Variants in IL1RAPL2 observed in about 807,000 individuals in gnomAD.
The protein encoded by IL1RAPL2 is interleukin 1 receptor accessory protein like 2.
Under a neutral mutation model 44.1 loss-of-function variants are expected in IL1RAPL2, and 3 were observed. The ratio of observed to expected loss-of-function variants is 0.07; its 90% CI spans 0.03 to 0.18. IL1RAPL2 has a LOEUF of 0.18. IL1RAPL2 is among the 10% of genes least tolerant of loss of function. IL1RAPL2 has a pLI of 1.00. For missense variants in IL1RAPL2, 391 were observed against 496.4 expected (o/e 0.79, Z 2.02); for synonymous variants, 181 against 178.8 (o/e 1.01, Z -0.10).
chrX:104,599,650 GCACACACACACACACACACA>G (rs35769134), intron 1 of IL1RAPL2, among the ~76,000 whole-genome samples: 5 of 86,169 alleles, frequency 5.8e-5, no homozygotes, highest in South Asian at 6.7e-4. Context: ...GATGGATTTA[GCACACACACACACACACACA>G]CACACACACA....
intron 6 of IL1RAPL2, among the ~76,000 whole-genome samples, chrX:105,640,358 GCC>G (rs2037555321): frequency 9.2e-6 from 1 of 109,031 alleles, no homozygotes; most frequent in South Asian, 4.0e-4. Context: ...CTCTGTATGA[GCC>G]ATGACAAAAA....
chrX:105,713,385 C>A (rs763074280), intron 6 of IL1RAPL2, among the ~76,000 whole-genome samples: 1 of 111,535 alleles, frequency 9.0e-6, no homozygotes, highest in South Asian at 3.8e-4. Flanking sequence ...AAGCTCAATT[C>A]TTGTGTTCTG....
intron 6 of IL1RAPL2, among the ~76,000 whole-genome samples, chrX:105,702,792 G>T (rs1213394249): frequency 8.1e-5 from 9 of 111,563 alleles, no homozygotes; most frequent in African/African-American, 2.9e-4. Context: ...TAATATATAA[G>T]ATTTTCAAAA....
At chrX:104,700,799 C>T (rs1187272322) in intron 2 of IL1RAPL2, among the ~76,000 whole-genome samples, 12 of 111,416 alleles carry the variant, frequency 1.1e-4, no homozygotes. Flanking sequence ...TACTATAATA[C>T]CATAGTCATA....
intron 2 of IL1RAPL2, among the ~76,000 whole-genome samples, chrX:104,676,754 G>T (rs1200067197): frequency 1.8e-5 from 2 of 111,230 alleles, no homozygotes; most frequent in Non-Finnish European, 3.8e-5. Flanking sequence ...ACGTAGATTT[G>T]GTCTTTTCAC....
chrX:105,060,884 G>C (rs1253304629), intron 2 of IL1RAPL2, among the ~76,000 whole-genome samples: 1 of 110,335 alleles, frequency 9.1e-6, no homozygotes, highest in Non-Finnish European at 1.9e-5. Context: ...TGCAGTATCA[G>C]TTGTAATGTC....
chrX:105,314,704 A>G (rs2034823799), intron 5 of IL1RAPL2, among the ~76,000 whole-genome samples: 1 of 111,960 alleles, frequency 8.9e-6, no homozygotes, highest in African/African-American at 3.2e-5. Context: ...CAGTAAGCCA[A>G]TGCAAATCAT....
At chrX:104,731,256 C>A (rs1234623856) in intron 2 of IL1RAPL2, among the ~76,000 whole-genome samples, 1 of 109,450 alleles carries the variant, frequency 9.1e-6, no homozygotes, top group Admixed American at 9.8e-5. Context: ...GCTTTTGTTG[C>A]CATTGCTTTT....
intron 2 of IL1RAPL2, among the ~76,000 whole-genome samples, chrX:104,706,782 G>A (rs1024806943): frequency 7.2e-5 from 8 of 111,526 alleles, no homozygotes; most frequent in Admixed American, 1.9e-4. Context: ...ATGAGGGGCC[G>A]TACTTTTTAG....
Position 105,567,140 on chromosome X carries a change from G to C in IL1RAPL2, c.772+82753G>C, listed in dbSNP as rs1426283024. On this transcript the variant is annotated intron_variant, in intron 6 of 10. Transcript: ENST00000372582. ...TTAAGGCCAGTTCCTGTTAGAAAAA[G>C]AAATGCATCTAAGAGCTAGAACTTA... 3.6e-5 allele frequency among the ~76,000 whole-genome samples: 4 copies of C among 111,372 alleles called. No individual in the cohort carries two copies. In the Admixed American group the frequency reaches 3.8e-4, roughly 11 times the overall value.
At position 105,767,483 on chromosome X, in the gene IL1RAPL2, C is replaced by T. The variant is rs1383656208; in HGVS notation, c.1883C>T (p.Thr628Met). Residue 628 changes from threonine (T) to methionine (M), a missense_variant, in exon 11 of 11, where the codon ACG becomes ATG. By Grantham distance (81) the Thr-to-Met change is moderately conservative. Coordinates refer to ENST00000372582, the MANE Select transcript of IL1RAPL2 (RefSeq NM_017416.2). Reference sequence around the variant, plus strand: ...GGTTATAAACATGAGATACCAGCCACGACCTTGCCAGTACCTTCCTTAGGC... The same window carrying T: ...GGTTATAAACATGAGATACCAGCCATGACCTTGCCAGTACCTTCCTTAGGC... ...CRGYKHEIPA[T>M]TLPVPSLGNH... 1 of 1,211,575 alleles carries T rather than the reference C, an allele frequency of 8.3e-7. No individual in the cohort carries two copies. The highest frequency in any genetic ancestry group is 1.1e-6 in the Non-Finnish European group (1 of 895,423).
intron 2 of IL1RAPL2, among the ~76,000 whole-genome samples, chrX:104,706,538 G>T (rs755200392): frequency 8.9e-6 from 1 of 111,874 alleles, no homozygotes; most frequent in South Asian, 3.7e-4. Flanking sequence ...CTTCCCAAGT[G>T]CTTGAAAAAT....
chrX:104,744,589 G>A (rs1220249765), intron 2 of IL1RAPL2, among the ~76,000 whole-genome samples: 1 of 111,233 alleles, frequency 9.0e-6, no homozygotes, highest in Admixed American at 9.6e-5. Flanking sequence ...TATTTATAGA[G>A]AGGCTAACGT....
chrX:105,313,868 A>G (rs1467531720), intron 5 of IL1RAPL2, among the ~76,000 whole-genome samples: 2 of 111,452 alleles, frequency 1.8e-5, no homozygotes, highest in Non-Finnish European at 3.8e-5. Context: ...CACAGAGCTC[A>G]CCATACACTC....
chrX:105,757,270 C>T (rs187850561), intron 10 of IL1RAPL2, among the ~76,000 whole-genome samples: 3 of 111,861 alleles, frequency 2.7e-5, no homozygotes, highest in Non-Finnish European at 3.8e-5. Flanking sequence ...CATATCATTG[C>T]CTCTGTGAAA....
chrX:104,651,786 C>T (rs1262686746), intron 1 of IL1RAPL2, among the ~76,000 whole-genome samples: 1 of 111,360 alleles, frequency 9.0e-6, no homozygotes, highest in East Asian at 2.8e-4. Context: ...GCACGTTGTT[C>T]AAGAAAATTT....
intron 2 of IL1RAPL2, among the ~76,000 whole-genome samples, chrX:104,802,608 T>G (rs1035028688): frequency 5.4e-5 from 6 of 111,825 alleles, no homozygotes; most frequent in Non-Finnish European, 9.4e-5. Flanking sequence ...TTTTGCTTTT[T>G]CAACTAACAC....
At chrX:105,354,424 T>A (rs1281566663) in intron 5 of IL1RAPL2, among the ~76,000 whole-genome samples, 1 of 101,097 alleles carries the variant, frequency 9.9e-6, no homozygotes, top group Non-Finnish European at 2.0e-5. Flanking sequence ...ACACTGCATG[T>A]TCTCACTCAT....
At chrX:104,654,656 G>T (rs990378700) in intron 1 of IL1RAPL2, among the ~76,000 whole-genome samples, 1 of 111,346 alleles carries the variant, frequency 9.0e-6, no homozygotes, top group Non-Finnish European at 1.9e-5. Flanking sequence ...GGCAATGTGG[G>T]CTCTTTTTTA....
Sources: gnomAD v4.1 joint callset for allele counts (sites outside exome capture counted in the v4.1 genomes callset) on GRCh38, gnomAD v4.1.1 for gene constraint, MANE v1.5 for transcripts, NCBI Gene and HGNC (gene_info 2026-07-23, HGNC 2026-07-21) for gene names.